The following USP14 variants were observed in gnomAD, a reference collection of about 807,000 sequenced individuals.
USP14 encodes ubiquitin carboxyl-terminal hydrolase 14.
In USP14, 38 loss-of-function variants were observed where a neutral mutation model predicts 76.5. The observed-to-expected ratio is 0.50, with a 90% confidence interval of 0.38 to 0.65. The LOEUF (loss-of-function observed/expected upper bound fraction) is 0.65, where lower values mean the gene tolerates loss of function less well. Ranked by LOEUF, USP14 falls within the 30% of genes least tolerant of loss-of-function variation. The pLI, the probability that USP14 is intolerant of heterozygous loss-of-function variation, is 0.00. For synonymous variants in USP14, 192 were observed against 191.7 expected, an observed-to-expected ratio of 1.00 and a Z score of -0.01; for missense variants, 467 against 586.5, an observed-to-expected ratio of 0.80 and a Z score of 2.10.
intron 13 of USP14, among the ~76,000 whole-genome samples, chr18:205,035 C>G (rs1910492645): frequency 6.6e-6 from 1 of 151,986 alleles, no homozygotes; most frequent in Non-Finnish European, 1.5e-5. Context: ...CCACCATGCC[C>G]AGCTATTTTT....
At chr18:190,271 CA>C (rs1910051110) in intron 5 of USP14, among the ~76,000 whole-genome samples, 2 of 152,068 alleles carry the variant, frequency 1.3e-5, no homozygotes, top group African/African-American at 2.4e-5. Flanking sequence ...TTTTTGGGCA[CA>C]TGCATTTGTT....
intron 5 of USP14, among the ~76,000 whole-genome samples, chr18:191,186 G>C (rs2143047279): frequency 6.6e-6 from 1 of 152,176 alleles, no homozygotes; most frequent in South Asian, 2.1e-4. Context: ...TCTTAACAGG[G>C]AAATGTAATG....
At chr18:205,357 T>C (rs139646538) in intron 13 of USP14, among the ~76,000 whole-genome samples, 2 of 152,308 alleles carry the variant, frequency 1.3e-5, no homozygotes, top group East Asian at 3.9e-4. Flanking sequence ...GCAGTCAAAA[T>C]ACAGTACATT....
At chr18:166,718 AATTG>A (rs1278301231) in intron 2 of USP14, 65 bp from the exon 3 acceptor site, 1 of 1,448,968 alleles carries the variant, frequency 6.9e-7, no homozygotes, top group African/African-American at 1.4e-5. Context: ...CATTAAAATA[AATTG>A]ATTATTAGAT....
At chr18:208,496 T>C (rs1029606705) in intron 13 of USP14, among the ~76,000 whole-genome samples, 17 of 152,246 alleles carry the variant, frequency 1.1e-4, no homozygotes, top group Admixed American at 9.2e-4. Flanking sequence ...TGCTCTTATT[T>C]CCTTTATTCT....
intron 1 of USP14, 163 bp downstream of exon 1, chr18:158,877 G>A (rs2144199426): frequency 8.7e-7 from 1 of 1,142,990 alleles, no homozygotes. Context: ...CCCCTCTCCC[G>A]GCTGGGTCGG....
At position 214,535 on chromosome 18, in the gene USP14, T is replaced by A. The variant is rs888353500; in HGVS notation, c.*3251T>A. Reference sequence around the variant, plus strand: ...TGTACAACAATTGTTATAAAAATGTTTATTGTTTACCAAAACCAGTGGACC... The same window carrying A: ...TGTACAACAATTGTTATAAAAATGTATATTGTTTACCAAAACCAGTGGACC... On this transcript the variant is annotated 3_prime_UTR_variant, in exon 16 of 16. Coordinates refer to ENST00000261601, the MANE Select transcript of USP14 (RefSeq NM_005151.4). 8 of 1,037,264 alleles carry A rather than the reference T, an allele frequency of 7.7e-6. No homozygotes were observed. The highest frequency in any genetic ancestry group is 1.1e-5 in the Non-Finnish European group (8 of 715,372). 64.3% of individuals were successfully genotyped at this position (1,037,264 alleles called of 1,614,324 possible). A position where few individuals can be genotyped will look rare whatever the true frequency, so the allele number is the denominator to read the frequency against.
intron 1 of USP14, 60 bp downstream of exon 1, chr18:158,774 G>C: frequency 7.3e-7 from 1 of 1,373,342 alleles, no homozygotes; most frequent in Non-Finnish European, 9.3e-7. Context: ...CTCCGCGTAG[G>C]CCTGGCCTGC....
Position 211,506 on chromosome 18 carries a change from G to A in USP14, c.*222G>A. ...CTGCCCTATATAAAGGTGGCAGAAAGACATTTTTAAAAAGCTTATTATTTC... is the reference window on the plus strand; with the variant it reads ...CTGCCCTATATAAAGGTGGCAGAAAAACATTTTTAAAAAGCTTATTATTTC... On this transcript the variant is annotated 3_prime_UTR_variant, in exon 16 of 16. Transcript: ENST00000261601. 2 of 383,274 alleles carry A rather than the reference G, an allele frequency of 5.2e-6. No homozygotes were observed. The allele number at this position is 383,274 out of a possible 1,614,324, so 23.7% of individuals were successfully genotyped here.
intron 13 of USP14, among the ~76,000 whole-genome samples, chr18:205,425 CCCTT>C (rs1321262663): frequency 6.6e-6 from 1 of 152,106 alleles, no homozygotes; most frequent in African/African-American, 2.4e-5. Flanking sequence ...TCTGCCCTAC[CCCTT>C]CCTTAATTCC....
chr18:158,824 G>A (rs1210135515), intron 1 of USP14, 110 bp downstream of exon 1: 2 of 1,258,562 alleles, frequency 1.6e-6, no homozygotes, highest in Non-Finnish European at 2.0e-6. Context: ...GGGCCGGGGT[G>A]GGGTGCGCGG....
chr18:185,160 T>C (rs1434250467), intron 5 of USP14, among the ~76,000 whole-genome samples: 1 of 152,074 alleles, frequency 6.6e-6, no homozygotes, highest in Non-Finnish European at 1.5e-5. Context: ...TTTTCTTATT[T>C]TTTATTTATT....
At chr18:200,463 T>C (rs984577206) in intron 10 of USP14, among the ~76,000 whole-genome samples, 4 of 152,200 alleles carry the variant, frequency 2.6e-5, no homozygotes, top group African/African-American at 9.7e-5. Flanking sequence ...TGTCTTGCAG[T>C]TGAGGCCCTG....
At chr18:161,520 T>C (rs553021970) in intron 1 of USP14, among the ~76,000 whole-genome samples, 2 of 152,346 alleles carry the variant, frequency 1.3e-5, no homozygotes, top group South Asian at 4.1e-4. Context: ...CATTCCACTT[T>C]GTTGCTGTAG....
intron 5 of USP14, among the ~76,000 whole-genome samples, 160 bp from the exon 6 acceptor site, chr18:192,682 T>C (rs1427642137): frequency 6.6e-6 from 1 of 152,224 alleles, no homozygotes; most frequent in African/African-American, 2.4e-5. Context: ...TCCATATTTC[T>C]GGTCATGCAA....
chr18:200,340 G>T (rs1467313074), intron 10 of USP14, among the ~76,000 whole-genome samples: 2 of 152,138 alleles, frequency 1.3e-5, no homozygotes, highest in African/African-American at 4.8e-5. Context: ...ATAATGTATT[G>T]TCTAAACCAG....
Position 158,633 on chromosome 18 carries a change from C to T in USP14, c.-66C>T. 2 of 1,497,316 alleles carry T rather than the reference C, an allele frequency of 1.3e-6. No homozygotes were observed. The highest frequency in any genetic ancestry group is 1.8e-6 in the Non-Finnish European group (2 of 1,123,304). The allele number at this position is 1,497,316 out of a possible 1,614,324, so 92.8% of individuals were successfully genotyped here. On this transcript the variant is annotated 5_prime_UTR_variant, in exon 1 of 16. Coordinates refer to ENST00000261601, the MANE Select transcript of USP14 (RefSeq NM_005151.4). ...GCCGCCGCCGCAGCTGCTCCTGGTCCCCGTCCCTTTGCCGCCCTCGTCAGG... is the reference window on the plus strand; with the variant it reads ...GCCGCCGCCGCAGCTGCTCCTGGTCTCCGTCCCTTTGCCGCCCTCGTCAGG...
At chr18:166,981 A>C (rs1199509601) in intron 3 of USP14, among the ~76,000 whole-genome samples, 162 bp downstream of exon 3, 3 of 152,040 alleles carry the variant, frequency 2.0e-5, no homozygotes, top group South Asian at 2.1e-4. Context: ...CTCTTTCTTG[A>C]AAAGTAGTTA....
At chr18:171,019 A>ATATAT (rs1909430713) in intron 3 of USP14, among the ~76,000 whole-genome samples, 2 of 75,256 alleles carry the variant, frequency 2.7e-5, no homozygotes, top group Admixed American at 1.6e-4. Flanking sequence ...TAAAAAAAAA[A>ATATAT]AAAAAAATAT....
Sources: gnomAD v4.1 joint callset for allele counts (sites outside exome capture counted in the v4.1 genomes callset) on GRCh38, gnomAD v4.1.1 for gene constraint, MANE v1.5 for transcripts, NCBI Gene and HGNC (gene_info 2026-07-23, HGNC 2026-07-21) for gene names.